The following CLMP variants were observed in gnomAD, a reference collection of about 807,000 sequenced individuals.
The protein encoded by CLMP is CXADR like cell adhesion molecule, also known as CXADR-like membrane protein.
CLMP carries 27 observed loss-of-function variants against 45.2 expected under a neutral mutation model. That is an observed-to-expected ratio of 0.60 (90% CI 0.44 to 0.82). The LOEUF is 0.82. Ranked by LOEUF, CLMP falls within the 40% of genes least tolerant of loss-of-function variation. The pLI is 0.00. For synonymous variants in CLMP, 167 were observed against 171.4 expected, an observed-to-expected ratio of 0.97 and a Z score of 0.20; for missense variants, 403 against 448.4, an observed-to-expected ratio of 0.90 and a Z score of 0.91.
At chr11:123,194,223 AAG>A (rs1469314058) in intron 1 of CLMP, among the ~76,000 whole-genome samples, 3 of 151,862 alleles carry the variant, frequency 2.0e-5, no homozygotes, top group Non-Finnish European at 4.4e-5. Context: ...TTTCAGGAAA[AAG>A]TGGTGCTTGC....
intron 1 of CLMP, among the ~76,000 whole-genome samples, chr11:123,115,229 G>T (rs1254582206): frequency 1.3e-5 from 2 of 150,760 alleles, no homozygotes; most frequent in African/African-American, 2.4e-5. Context: ...TTTTTTTTTG[G>T]TAGAGACAAG....
At chr11:123,112,338 C>CTTTTTTTTTTTT (rs544128953) in intron 1 of CLMP, among the ~76,000 whole-genome samples, 1 of 137,576 alleles carries the variant, frequency 7.3e-6, no homozygotes, top group Admixed American at 7.7e-5. Flanking sequence ...TTTTCTTTTT[C>CTTTTTTTTTTTT]TTTTTTTTTT....
intron 1 of CLMP, among the ~76,000 whole-genome samples, chr11:123,138,983 A>G (rs937158968): frequency 1.3e-5 from 2 of 152,108 alleles, no homozygotes; most frequent in Non-Finnish European, 2.9e-5. Context: ...ATGGGTGAAA[A>G]AAATTAAAAG....
Position 123,074,801 on chromosome 11 carries a change from A to G in CLMP, c.722T>C (p.Ile241Thr). Residue 241 changes from isoleucine (I) to threonine (T), a missense_variant, in exon 6 of 7, where the codon ATA (isoleucine) becomes ACA (threonine). By Grantham distance (89) the Ile-to-Thr change is moderately conservative. Coordinates refer to ENST00000448775, the MANE Select transcript of CLMP (RefSeq NM_024769.5). ...GAAAATCAGCAGGGCTCCAGCCACT[A>G]TGCCTGTCACTGCTCCTGCAACCAT... Reference protein sequence around the residue: ...IGMVAGAVTGIVAGALLIFLL... With the variant: ...IGMVAGAVTGTVAGALLIFLL... The G allele has an allele frequency of 6.2e-7, 1 of 1,614,190 alleles. No individual in the cohort carries two copies. The highest frequency in any genetic ancestry group is 8.5e-7 in the Non-Finnish European group (1 of 1,180,030).
intron 1 of CLMP, among the ~76,000 whole-genome samples, chr11:123,154,213 G>T (rs1861381329): frequency 6.6e-6 from 1 of 152,092 alleles, no homozygotes; most frequent in Non-Finnish European, 1.5e-5. Flanking sequence ...CTCCATGCAG[G>T]TAGGCTCAAG....
intron 1 of CLMP, among the ~76,000 whole-genome samples, chr11:123,106,707 A>C (rs1018940880): frequency 6.6e-6 from 1 of 152,152 alleles, no homozygotes; most frequent in Non-Finnish European, 1.5e-5. Context: ...CACACTCAGC[A>C]AATGGCAACT....
chr11:123,146,003 C>T (rs577959058), intron 1 of CLMP, among the ~76,000 whole-genome samples: 60 of 152,344 alleles, frequency 3.9e-4, no homozygotes, highest in African/African-American at 1.4e-3. Flanking sequence ...TGCTCATTAA[C>T]GCTGCACAGG....
chr11:123,101,765 C>G (rs1866063901), intron 1 of CLMP, among the ~76,000 whole-genome samples: 1 of 152,232 alleles, frequency 6.6e-6, no homozygotes, highest in Non-Finnish European at 1.5e-5. Context: ...TGATAACAGG[C>G]CTTGCCCAAA....
At chr11:123,100,359 T>C (rs1866041048) in intron 1 of CLMP, among the ~76,000 whole-genome samples, 2 of 148,658 alleles carry the variant, frequency 1.3e-5, no homozygotes, top group Non-Finnish European at 3.0e-5. Context: ...CCAGCCTGGG[T>C]GACAGAGCGA....
intron 1 of CLMP, among the ~76,000 whole-genome samples, chr11:123,121,636 G>A (rs531277341): frequency 1.5e-4 from 23 of 152,094 alleles, no homozygotes; most frequent in Non-Finnish European, 2.8e-4. Flanking sequence ...TCAGTGGGAG[G>A]TGGGTAATGG....
chr11:123,136,560 ATTTTTT>A (rs34074982), intron 1 of CLMP, among the ~76,000 whole-genome samples: 85 of 85,882 alleles, frequency 9.9e-4, no homozygotes, highest in Middle Eastern at 0.01. Flanking sequence ...CTTTTAAGTA[ATTTTTT>A]TTTTTTTTTT....
At chr11:123,170,047 C>T (rs926430465) in intron 1 of CLMP, among the ~76,000 whole-genome samples, 4 of 152,030 alleles carry the variant, frequency 2.6e-5, no homozygotes, top group South Asian at 2.1e-4. Flanking sequence ...TAAAAAGGTG[C>T]CAGACTTTTA....
intron 1 of CLMP, among the ~76,000 whole-genome samples, chr11:123,187,791 T>G (rs12272176): frequency 2.0e-5 from 3 of 152,006 alleles, no homozygotes; most frequent in African/African-American, 4.8e-5. Context: ...GGCAAGGACA[T>G]TGGGAGTCTC....
intron 5 of CLMP, among the ~76,000 whole-genome samples, chr11:123,075,056 A>C (rs1865721715): frequency 6.6e-6 from 1 of 151,746 alleles, no homozygotes; most frequent in African/African-American, 2.4e-5. Flanking sequence ...CCTGGGTTCA[A>C]GTGATTCTCC....
intron 5 of CLMP, among the ~76,000 whole-genome samples, chr11:123,080,250 C>G (rs146598364): frequency 1.3e-5 from 2 of 152,054 alleles, no homozygotes; most frequent in African/African-American, 4.8e-5. Flanking sequence ...CATACCATCA[C>G]TTCTGCTGTA....
In CLMP at chr11:123,129,566, TA is replaced by T. The variant is rs201034582; in HGVS notation, c.29-31615del. 6.8e-3 allele frequency among the ~76,000 whole-genome samples: 947 copies of T among 140,170 alleles called. 28 individuals carry two copies. The East Asian group carries it at 0.1, about 15-fold the overall frequency. The allele number at this position is 140,170 out of a possible 152,430, so 92.0% of individuals were successfully genotyped here. On this transcript the variant is annotated intron_variant, in intron 1 of 6. Transcript: ENST00000448775. Reference sequence around the variant, plus strand: ...TTCAAAAATAATTGAATATATTATATAATTATATAATATATATTGTAATTAT... The same window carrying T: ...TTCAAAAATAATTGAATATATTATATATTATATAATATATATTGTAATTAT...
chr11:123,183,455 T>C (rs1040531747), intron 1 of CLMP, among the ~76,000 whole-genome samples: 1 of 152,086 alleles, frequency 6.6e-6, no homozygotes, highest in Non-Finnish European at 1.5e-5. Context: ...GGTCTCGAAC[T>C]CCTGACCTCA....
In CLMP at chr11:123,085,335, G is replaced by A. The variant is rs576731220; in HGVS notation, c.187-622C>T. The stretch of plus-strand genomic sequence containing the variant: ...ACAATCTTGGCTCACTGTAACCTCC[G>A]CTTCCTGGGTTCAAGCAGTTCTCCT... On this transcript the variant is annotated intron_variant, in intron 2 of 6. Coordinates refer to ENST00000448775, the MANE Select transcript of CLMP (RefSeq NM_024769.5). Among the ~76,000 whole-genome samples the A allele has an allele frequency of 6.6e-5, 10 of 152,044 alleles. No homozygotes were observed. In the East Asian group the frequency reaches 7.7e-4, roughly 12 times the overall value.
chr11:123,189,874 T>A (rs1437007628), intron 1 of CLMP, among the ~76,000 whole-genome samples: 1 of 151,836 alleles, frequency 6.6e-6, no homozygotes, highest in African/African-American at 2.4e-5. Context: ...TGATGGTGGG[T>A]GCCTGTAATC....
Sources: gnomAD v4.1 joint callset for allele counts (sites outside exome capture counted in the v4.1 genomes callset) on GRCh38, gnomAD v4.1.1 for gene constraint, MANE v1.5 for transcripts, NCBI Gene and HGNC (gene_info 2026-07-23, HGNC 2026-07-21) for gene names.